Variants in RNF38 observed in about 807,000 individuals in gnomAD.
RNF38 encodes ring finger protein 38.
In RNF38, 15 loss-of-function variants were observed where a neutral mutation model predicts 67.2. The observed-to-expected ratio is 0.22, with a 90% CI of 0.15 to 0.34. RNF38 has a LOEUF of 0.34. Among genes scored for constraint, RNF38 ranks in the 10% least tolerant of loss-of-function variants. The probability of loss-of-function intolerance (pLI) is 1.00; values close to 1 mark genes in which losing one functional copy is unlikely to be tolerated. For synonymous variants in RNF38, 220 were observed against 218.8 expected, an observed-to-expected ratio of 1.01 and a Z score of -0.05; for missense variants, 524 against 639.9, an observed-to-expected ratio of 0.82 and a Z score of 1.95.
At chr9:36,446,185 C>G (rs1839296013) in intron 1 of RNF38, among the ~76,000 whole-genome samples, 1 of 152,170 alleles carries the variant, frequency 6.6e-6, no homozygotes, top group Non-Finnish European at 1.5e-5. Context: ...ACTATGCCAG[C>G]AGCCTCTGCT....
intron 2 of RNF38, among the ~76,000 whole-genome samples, chr9:36,388,032 A>G (rs955200791): frequency 5.3e-5 from 8 of 152,226 alleles, no homozygotes; most frequent in Non-Finnish European, 8.8e-5. Context: ...AATTTTTTAA[A>G]AAGTATACAA....
chr9:36,374,771 C>T (rs1368726381), intron 3 of RNF38, among the ~76,000 whole-genome samples: 1 of 152,160 alleles, frequency 6.6e-6, no homozygotes. Flanking sequence ...CGTGAGCCAC[C>T]CCGGCGCATT....
chr9:36,463,208 T>C (rs895456370), intron 1 of RNF38, among the ~76,000 whole-genome samples: 1 of 152,168 alleles, frequency 6.6e-6, no homozygotes, highest in Non-Finnish European at 1.5e-5. Flanking sequence ...TTCATAAGAG[T>C]AGAGGTTTTA....
intron 1 of RNF38, among the ~76,000 whole-genome samples, chr9:36,468,769 G>C (rs1191045991): frequency 6.6e-6 from 1 of 151,178 alleles, no homozygotes; most frequent in African/African-American, 2.4e-5. Context: ...CCGAGATCAT[G>C]CCACTGCACT....
At chr9:36,472,674 T>C (rs969060740) in intron 1 of RNF38, among the ~76,000 whole-genome samples, 2 of 152,222 alleles carry the variant, frequency 1.3e-5, no homozygotes, top group African/African-American at 4.8e-5. Flanking sequence ...ACAGATGAGA[T>C]ACTGAACTAC....
chr9:36,421,059 C>T (rs1338464389), intron 2 of RNF38, among the ~76,000 whole-genome samples: 2 of 152,196 alleles, frequency 1.3e-5, no homozygotes, highest in Non-Finnish European at 2.9e-5. Flanking sequence ...CCTCATACTC[C>T]TTGCCTGAAC....
chr9:36,347,522 C>T (rs1190489176), intron 9 of RNF38, among the ~76,000 whole-genome samples: 1 of 152,134 alleles, frequency 6.6e-6, no homozygotes, highest in South Asian at 2.1e-4. Context: ...CTATAATGAT[C>T]TCTGATCTTT....
At chr9:36,355,603 T>A (rs749988136) in intron 6 of RNF38, among the ~76,000 whole-genome samples, 6 of 152,130 alleles carry the variant, frequency 3.9e-5, no homozygotes, top group Non-Finnish European at 8.8e-5. Context: ...AATAATTTTA[T>A]AATATTTTCA....
intron 1 of RNF38, among the ~76,000 whole-genome samples, chr9:36,398,048 GTATGATTGAGT>G (rs1193268596): frequency 6.6e-6 from 1 of 152,106 alleles, no homozygotes; most frequent in Non-Finnish European, 1.5e-5. Context: ...GAAAAAAGAG[GTATGATTGAGT>G]TATAATTTTA....
intron 2 of RNF38, among the ~76,000 whole-genome samples, chr9:36,412,705 C>T (rs774828589): frequency 6.6e-6 from 1 of 152,152 alleles, no homozygotes; most frequent in Non-Finnish European, 1.5e-5. Flanking sequence ...TTTGGGATGC[C>T]GAGGTGGATC....
intron 6 of RNF38, 43 bp downstream of exon 6, chr9:36,356,260 A>C: frequency 6.3e-7 from 1 of 1,591,228 alleles, no homozygotes; most frequent in Non-Finnish European, 8.6e-7. Flanking sequence ...ATTAAAAATT[A>C]GTTAAAAACT....
chr9:36,348,400 G>A (rs568909511), intron 9 of RNF38, among the ~76,000 whole-genome samples: 15 of 152,202 alleles, frequency 9.9e-5, no homozygotes, highest in Middle Eastern at 6.8e-3. Context: ...TTGAGCCTGG[G>A]AGGTTGAGGC....
At chr9:36,471,682 A>G (rs1402819967) in intron 1 of RNF38, among the ~76,000 whole-genome samples, 1 of 152,246 alleles carries the variant, frequency 6.6e-6, no homozygotes, top group Non-Finnish European at 1.5e-5. Context: ...AAAGATGTAT[A>G]GTACTAACTA....
chr9:36,346,760 C>T (rs980344721), intron 9 of RNF38, among the ~76,000 whole-genome samples: 4 of 152,040 alleles, frequency 2.6e-5, no homozygotes, highest in Non-Finnish European at 5.9e-5. Flanking sequence ...TAGATAATTG[C>T]GTCATCTAAA....
At chr9:36,486,305 C>T (rs938117041) in intron 1 of RNF38, among the ~76,000 whole-genome samples, 2 of 152,076 alleles carry the variant, frequency 1.3e-5, no homozygotes, top group African/African-American at 4.8e-5. Context: ...ACGGAAATCC[C>T]ATGTATTACA....
At chr9:36,394,015 G>A (rs560645697) in intron 1 of RNF38, among the ~76,000 whole-genome samples, 1 of 152,156 alleles carries the variant, frequency 6.6e-6, no homozygotes, top group Non-Finnish European at 1.5e-5. Flanking sequence ...AGTGGCTCAC[G>A]CCTGTAATCC....
intron 4 of RNF38, among the ~76,000 whole-genome samples, chr9:36,364,238 G>C (rs1421273251): frequency 6.6e-6 from 1 of 151,958 alleles, no homozygotes; most frequent in Non-Finnish European, 1.5e-5. Context: ...AAACCACAGG[G>C]ATGAAGACCT....
In RNF38 at chr9:36,375,982, T is replaced by C. The variant is rs1002108472; in HGVS notation, c.308A>G (p.His103Arg). The C allele has an allele frequency of 2.5e-6, 4 of 1,613,336 alleles. No individual in the cohort carries two copies. Among genetic ancestry groups the C allele is most frequent in the East Asian group, 2.2e-5 (1 of 44,846 alleles). The change falls in exon 3 of 12, where the codon CAT becomes CGT. Residue 103 changes from histidine (H) to arginine (R), a missense_variant. By Grantham distance (29) the His-to-Arg change is conservative. This residue lies in a region of RNF38 where 461 missense variants were observed against 517.4 expected (regional missense o/e 0.89). Transcript: ENST00000259605. ...GTTGCATCGTTCCCCTGAGAAGTGA[T>C]GTTGGCTTGGTCGAACTGAAGGGGG... is the stretch of plus-strand genomic sequence containing the variant. ...RQPPSVRPSQHHFSGERCNTP... is the reference protein window; with the variant it reads ...RQPPSVRPSQRHFSGERCNTP...
rs555742534 is a variant in RNF38, at chr9:36,371,516, G to C, written c.357-1584C>G. On this transcript the variant is annotated intron_variant, in intron 3 of 11. Coordinates refer to ENST00000259605, the MANE Select transcript of RNF38 (RefSeq NM_022781.5). Reference sequence around the variant, plus strand: ...CTGGAGTGCAATGGCACGATCTCTCGGCTCACTGCGACCTCTGCCTCCCAG... The same window carrying C: ...CTGGAGTGCAATGGCACGATCTCTCCGCTCACTGCGACCTCTGCCTCCCAG... Among the ~76,000 whole-genome samples the C allele has an allele frequency of 2.1e-5, 3 of 145,468 alleles. No individual in the cohort carries two copies. The Admixed American group carries it at 2.1e-4, about 10-fold the overall frequency.
Sources: gnomAD v4.1 joint callset for allele counts (sites outside exome capture counted in the v4.1 genomes callset) on GRCh38, gnomAD v4.1.1 for gene constraint, gnomAD v4.1.1 regional missense constraint, MANE v1.5 for transcripts, NCBI Gene and HGNC (gene_info 2026-07-23, HGNC 2026-07-21) for gene names.